Variants in DOT1L observed in about 807,000 individuals in gnomAD.
DOT1L encodes histone-lysine N-methyltransferase, H3 lysine-79 specific.
In DOT1L, 33 loss-of-function variants were observed where a neutral mutation model predicts 153.3. The observed-to-expected ratio is 0.22, with a 90% CI of 0.16 to 0.29. The LOEUF (loss-of-function observed/expected upper bound fraction) is 0.29, where lower values mean the gene tolerates loss of function less well. Among genes scored for constraint, DOT1L ranks in the 10% least tolerant of loss-of-function variants. DOT1L has a pLI of 1.00. For synonymous variants in DOT1L, 1,135 were observed against 965.1 expected (o/e 1.18, Z -3.26); for missense variants, 1,847 against 2,119.9 (o/e 0.87, Z 2.53).
chr19:2,203,402 C>G (rs140607202), intron 9 of DOT1L, among the ~76,000 whole-genome samples: 230 of 152,300 alleles, frequency 1.5e-3, no homozygotes, highest in African/African-American at 5.1e-3. Context: ...GTGCCCAGCC[C>G]TGGAATCTTC....
At chr19:2,225,914 C>T (rs1039899348) in intron 26 of DOT1L, among the ~76,000 whole-genome samples, 2 of 152,216 alleles carry the variant, frequency 1.3e-5, no homozygotes, top group Non-Finnish European at 2.9e-5. Context: ...CTTCAGCTGC[C>T]TCTGTCCTGT....
intron 1 of DOT1L, among the ~76,000 whole-genome samples, chr19:2,166,478 C>A (rs1275817110): frequency 1.3e-5 from 2 of 151,398 alleles, no homozygotes; most frequent in Admixed American, 6.6e-5. Context: ...GTGGTGCCAT[C>A]TCTGCTCACT....
chr19:2,213,892 A>G lies in DOT1L; in HGVS notation c.1703A>G (p.Gln568Arg), dbSNP rs2023806003. The G allele has an allele frequency of 5.6e-6, 9 of 1,613,014 alleles. No homozygotes were observed. The highest frequency in any genetic ancestry group is 1.3e-5 in the African/African-American group (1 of 74,952). The change falls in exon 18 of 28, where the codon CAG (glutamine) becomes CGG (arginine). Residue 568 changes from glutamine to arginine, a missense_variant. This residue lies in a region of DOT1L where 156 missense variants were observed against 235.7 expected (regional missense o/e 0.66). Transcript: ENST00000398665. ...ALTYNDLIQA[Q>R]KEISAHNQQL... Reference sequence around the variant, plus strand: ...ACCTACAACGACCTGATTCAAGCGCAGAAGGAGATCTCCGCCCATAACCAG... The same window carrying G: ...ACCTACAACGACCTGATTCAAGCGCGGAAGGAGATCTCCGCCCATAACCAG...
In DOT1L at chr19:2,193,597, G is replaced by A. The variant is rs771600537; in HGVS notation, c.494-92G>A. The A allele has an allele frequency of 7.4e-5, 91 of 1,226,546 alleles. No individual in the cohort carries two copies. The highest frequency in any genetic ancestry group is 6.5e-4 in the Middle Eastern group (3 of 4,600). The allele number at this position is 1,226,546 out of a possible 1,614,324, so 76.0% of individuals were successfully genotyped here. A position where few individuals can be genotyped will look rare whatever the true frequency, so the allele number is the denominator to read the frequency against. On this transcript the variant is annotated intron_variant, in intron 5 of 27. Transcript: ENST00000398665. This position sits in a 1 kb window ranked among gnomAD's most constrained non-coding sequence, Gnocchi z 5.9. ...GCCTCCCCTGTGGGTCTTCATGGCC[G>A]CATTCTTGTGGCCTCTGTCTCCGAG...
chr19:2,180,313 C>T (rs934075152), intron 1 of DOT1L, among the ~76,000 whole-genome samples: 11 of 152,256 alleles, frequency 7.2e-5, no homozygotes, highest in East Asian at 5.8e-4. Flanking sequence ...GGTGGGCCTG[C>T]GGAGCGCGGT....
At chr19:2,179,589 C>T (rs1160720482) in intron 1 of DOT1L, among the ~76,000 whole-genome samples, 1 of 152,140 alleles carries the variant, frequency 6.6e-6, no homozygotes, top group African/African-American at 2.4e-5. Flanking sequence ...GGGCGGATCA[C>T]CTGAGGTAAG....
rs1214872792 is a variant in DOT1L at position 2,226,547 on chromosome 19, C to A, written c.4026C>A (p.Pro1342=). ...GTGCTTCTCTTCCCCACAAGGGCCC[C>A]GAGGCGGCCGGCCTGAGCTCCCCGC... ...SDGASLPHKG[P]EAAGLSSPLS... The change falls in exon 27 of 28, where the codon CCC becomes CCA. Residue 1342 remains proline, a synonymous_variant. Coordinates refer to ENST00000398665, the MANE Select transcript of DOT1L (RefSeq NM_032482.3). 6.2e-7 allele frequency: 1 copy of A among 1,600,568 alleles called. No individual in the cohort carries two copies. Among genetic ancestry groups the A allele is most frequent in the Non-Finnish European group, 8.5e-7 (1 of 1,179,410 alleles).
chr19:2,223,606 G>C, intron 25 of DOT1L, 120 bp downstream of exon 25: 1 of 1,145,104 alleles, frequency 8.7e-7, no homozygotes, highest in South Asian at 1.6e-5. Context: ...GGGTGCCCTG[G>C]ATGGGAGGAA....
intron 3 of DOT1L, among the ~76,000 whole-genome samples, chr19:2,189,224 G>A (rs1311863320): frequency 6.6e-6 from 1 of 152,212 alleles, no homozygotes; most frequent in Non-Finnish European, 1.5e-5. Flanking sequence ...GGGTGGGGGT[G>A]AGGCATCTTC....
rs1490492157 is a variant in DOT1L, at chr19:2,208,444, C to T, written c.964-491C>T. ...CCGACAGCCCCAGGCAGATGCACCCCGCCCTCCCACTGCTCCCCCGAGGGC... is the reference window on the plus strand; with the variant it reads ...CCGACAGCCCCAGGCAGATGCACCCTGCCCTCCCACTGCTCCCCCGAGGGC... On this transcript the variant is annotated intron_variant, in intron 11 of 27. Coordinates refer to ENST00000398665, the MANE Select transcript of DOT1L (RefSeq NM_032482.3). This position sits in a 1 kb window ranked among gnomAD's most constrained non-coding sequence, Gnocchi z 4.4. 1.3e-5 allele frequency among the ~76,000 whole-genome samples: 2 copies of T among 152,110 alleles called. No homozygotes were observed. The highest frequency in any genetic ancestry group is 2.1e-4 in the South Asian group (1 of 4,828).
Position 2,210,721 on chromosome 19 carries a change from T to C in DOT1L, c.1217T>C (p.Met406Thr), listed in dbSNP as rs750602614. Residue 406 changes from methionine to threonine, a missense_variant, in exon 14 of 28, where the codon ATG (methionine) becomes ACG (threonine). Physicochemically the swap from Met to Thr is moderately conservative, Grantham distance 81. Coordinates refer to ENST00000398665, the MANE Select transcript of DOT1L (RefSeq NM_032482.3). ...KKKLNKKGRK[M>T]AGRKRGRPKK... is the part of the protein sequence containing the mutation. ...AAGCTAAACAAGAAGGGGAGGAAGA[T>C]GGCTGGCCGCAAGCGCGGGCGCCCC... 5 of 1,613,096 alleles carry C rather than the reference T, an allele frequency of 3.1e-6. No individual in the cohort carries two copies. Among genetic ancestry groups the C allele is most frequent in the Non-Finnish European group, 4.2e-6 (5 of 1,180,002 alleles).
At chr19:2,227,349 C>T in intron 27 of DOT1L, 2 of 738,680 alleles carry the variant, frequency 2.7e-6, no homozygotes, top group Non-Finnish European at 4.9e-6. Context: ...TAACCGCGTC[C>T]CTCTTGTTTT....
At chr19:2,206,440 C>T (rs1165670875) in intron 9 of DOT1L, among the ~76,000 whole-genome samples, 1 of 147,578 alleles carries the variant, frequency 6.8e-6, no homozygotes, top group Admixed American at 6.9e-5. Flanking sequence ...CGCCTGTAAT[C>T]ACAGCTACTC....
At chr19:2,183,430 C>T (rs1314467983) in intron 2 of DOT1L, among the ~76,000 whole-genome samples, 2 of 152,182 alleles carry the variant, frequency 1.3e-5, no homozygotes, top group East Asian at 3.9e-4. Context: ...CTCGGCCTCC[C>T]GAAGTGTGGG....
rs377172053 is a variant in DOT1L at position 2,193,768 on chromosome 19, G to A, written c.573G>A (p.Pro191=). The A allele has an allele frequency of 2.7e-5, 44 of 1,613,976 alleles. No homozygotes were observed. In the African/African-American group the frequency reaches 4.3e-4, roughly 16 times the overall value. The change falls in exon 6 of 28, where the codon CCG becomes CCA. Residue 191 remains proline (P), a synonymous_variant. Transcript: ENST00000398665. This position sits in a 1 kb window ranked among gnomAD's most constrained non-coding sequence, Gnocchi z 5.9. ...ATGGCGTCGAGAAAGCAGACATCCC[G>A]GCCAAGTATGCGGAGGTGAGCGGAT... The part of the protein sequence containing the change: ...HHYGVEKADI[P]AKYAETMDRE...
Position 2,222,491 on chromosome 19 carries a change from C to G in DOT1L, c.3322C>G (p.Arg1108Gly), listed in dbSNP as rs995952663. 6.3e-7 allele frequency: 1 copy of G among 1,590,148 alleles called. No individual in the cohort carries two copies. Among genetic ancestry groups the G allele is most frequent in the Non-Finnish European group, 8.5e-7 (1 of 1,171,250 alleles). ...GAGCGCAGGCGTGTCCCCCAAGCGC[C>G]GAGCCCTGCCGTCCGTCGCTGGCCT... ...SLSAGVSPKR[R>G]ALPSVAGLFT... Residue 1108 changes from arginine to glycine, a missense_variant, in exon 24 of 28, where the codon CGA becomes GGA. Arg to Gly is a moderately radical substitution (Grantham distance 125). Transcript: ENST00000398665. The surrounding 1 kb of genome is among the most constrained non-coding windows in gnomAD (Gnocchi z 6.5).
At position 2,223,427 on chromosome 19, in the gene DOT1L, C is replaced by G; in HGVS notation, c.3537C>G (p.His1179Gln). 6.2e-7 allele frequency: 1 copy of G among 1,613,598 alleles called. No individual in the cohort carries two copies. Among genetic ancestry groups the G allele is most frequent in the Non-Finnish European group, 8.5e-7 (1 of 1,179,990 alleles). ...CTCTGAGCCAGACCAATGGGGCACA[C>G]TACTCCCCACTCACCTCAGACGAGG... ...ERPLSQTNGAHYSPLTSDEEP... is the reference protein window; with the variant it reads ...ERPLSQTNGAQYSPLTSDEEP... Residue 1179 changes from histidine to glutamine, a missense_variant, in exon 25 of 28, where the codon CAC (histidine) becomes CAG (glutamine). His to Gln is a conservative substitution (Grantham distance 24, BLOSUM62 0). Around this residue, in one of 8 missense-constraint regions of DOT1L, gnomAD observed 934 missense variants for 825.3 expected, o/e 1.13. Transcript: ENST00000398665.
chr19:2,201,499 G>C (rs923516239), intron 8 of DOT1L, among the ~76,000 whole-genome samples: 12 of 152,200 alleles, frequency 7.9e-5, no homozygotes, highest in Non-Finnish European at 1.0e-4. Flanking sequence ...CAGGGTTTGG[G>C]GAACAAGTAG....
chr19:2,206,652 TTC>T, intron 9 of DOT1L, 75 bp from the exon 10 acceptor site: 2 of 1,461,532 alleles, frequency 1.4e-6, no homozygotes, highest in Non-Finnish European at 1.9e-6. Flanking sequence ...TCATTGTTCC[TTC>T]TCTGTCACCT....
Sources: gnomAD v4.1 joint callset for allele counts (sites outside exome capture counted in the v4.1 genomes callset) on GRCh38, gnomAD v4.1.1 for gene constraint, gnomAD v4.1.1 regional missense constraint, Gnocchi (gnomAD v3.1) non-coding constraint, MANE v1.5 for transcripts, NCBI Gene and HGNC (gene_info 2026-07-23, HGNC 2026-07-21) for gene names.